The following MTUS2 variants were observed in gnomAD, a reference collection of about 807,000 sequenced individuals.
MTUS2 encodes the protein microtubule-associated tumor suppressor candidate 2.
Under a neutral mutation model 114.1 loss-of-function variants are expected in MTUS2, and 40 were observed. The ratio of observed to expected loss-of-function variants is 0.35; its 90% CI spans 0.27 to 0.46. The LOEUF is 0.46. Ranked by LOEUF, MTUS2 falls within the 20% of genes least tolerant of loss-of-function variation. The pLI is 1.00. For missense variants in MTUS2, 1,679 were observed against 1,705.4 expected (o/e 0.98, Z 0.27); for synonymous variants, 688 against 672.0 (o/e 1.02, Z -0.37).
intron 10 of MTUS2, chr13:29,487,660 C>T: frequency 1.8e-6 from 1 of 546,644 alleles, no homozygotes; most frequent in South Asian, 2.0e-5. Flanking sequence ...TAAAGAGGTA[C>T]CTCAGGCAGT....
At position 29,498,385 on chromosome 13, in the gene MTUS2, T is replaced by C. The variant is rs767171597; in HGVS notation, c.3679-33T>C. 6.8e-6 allele frequency: 11 copies of C among 1,612,512 alleles called. No individual in the cohort carries two copies. In the South Asian group the frequency reaches 9.9e-5, roughly 15 times the overall value. ...TAATACTGGGTTTTGCCGGGAATCC[T>C]GGTCAACAGCTCATGGCTCTCTGCC... On this transcript the variant is annotated intron_variant, in intron 13 of 15. Coordinates refer to ENST00000612955, the MANE Select transcript of MTUS2 (RefSeq NM_001033602.4).
chr13:29,374,079 A>G (rs1438916436), intron 8 of MTUS2, among the ~76,000 whole-genome samples: 1 of 152,222 alleles, frequency 6.6e-6, no homozygotes, highest in Non-Finnish European at 1.5e-5. Context: ...AATAACCAAA[A>G]TAACTGGATG....
chr13:29,257,939 T>C (rs1358912938), intron 5 of MTUS2, among the ~76,000 whole-genome samples: 1 of 152,224 alleles, frequency 6.6e-6, no homozygotes, highest in Non-Finnish European at 1.5e-5. Context: ...GGTTGAGGGC[T>C]CACAGTCTTG....
intron 5 of MTUS2, among the ~76,000 whole-genome samples, chr13:29,235,783 G>T (rs1291915758): frequency 1.3e-5 from 2 of 151,968 alleles, no homozygotes; most frequent in African/African-American, 4.8e-5. Context: ...CTGTACTGTT[G>T]GACTAGGTTA....
intron 2 of MTUS2, among the ~76,000 whole-genome samples, chr13:28,950,723 A>C (rs1882767058): frequency 6.6e-6 from 1 of 152,174 alleles, no homozygotes; most frequent in African/African-American, 2.4e-5. Flanking sequence ...TGGTGCTCCC[A>C]AAACAGTATA....
At chr13:28,862,978 A>G (rs553793585) in intron 2 of MTUS2, among the ~76,000 whole-genome samples, 1 of 152,300 alleles carries the variant, frequency 6.6e-6, no homozygotes, top group African/African-American at 2.4e-5. Flanking sequence ...TTCAGACATT[A>G]TATACTTAAG....
intron 11 of MTUS2, among the ~76,000 whole-genome samples, chr13:29,488,437 CTTTTTTTTTTT>C (rs35983023): frequency 8.8e-6 from 1 of 113,786 alleles, no homozygotes; most frequent in East Asian, 2.8e-4. Flanking sequence ...TTTTTTTCCT[CTTTTTTTTTTT>C]TTTTTTTTTT....
chr13:29,258,539 C>T (rs1329027577), intron 5 of MTUS2, among the ~76,000 whole-genome samples: 2 of 152,194 alleles, frequency 1.3e-5, no homozygotes, highest in East Asian at 3.8e-4. Context: ...GGGGACATGG[C>T]TGTTTGGGAG....
chr13:29,318,417 G>A lies in MTUS2; in HGVS notation c.2807-6196G>A, dbSNP rs112692950. 7.1e-3 allele frequency among the ~76,000 whole-genome samples: 573 copies of A among 80,380 alleles called. 8 individuals carry two copies. Among genetic ancestry groups the A allele is most frequent in the African/African-American group, 0.03 (543 of 17,992 alleles). 52.7% of individuals were successfully genotyped at this position (80,380 alleles called of 152,430 possible). A position where few individuals can be genotyped will look rare whatever the true frequency, so the allele number is the denominator to read the frequency against. On this transcript the variant is annotated intron_variant, in intron 6 of 15. Coordinates refer to ENST00000612955, the MANE Select transcript of MTUS2 (RefSeq NM_001033602.4). ...TTTTTTTTTTTGAGATGACAGCCTCGTCCTCAGAGTGAGCCGTTATTCTTG... is the reference window on the plus strand; with the variant it reads ...TTTTTTTTTTTGAGATGACAGCCTCATCCTCAGAGTGAGCCGTTATTCTTG...
rs184344721 is a variant in MTUS2 at position 28,949,400 on chromosome 13, C to T, written c.-242-75057C>T. On this transcript the variant is annotated intron_variant, in intron 2 of 15. Coordinates refer to ENST00000612955, the MANE Select transcript of MTUS2 (RefSeq NM_001033602.4). ...CCAGCACAGTTTCTTACCATTACTT[C>T]GCCTATCTTGCTATCTTTTAATTAC... Among the ~76,000 whole-genome samples, 520 of 152,318 alleles carry T rather than the reference C, an allele frequency of 3.4e-3. 4 individuals carry two copies. The highest frequency in any genetic ancestry group is 0.011 in the African/African-American group (474 of 41,576).
chr13:28,953,345 C>T (rs1882904200), intron 2 of MTUS2, among the ~76,000 whole-genome samples: 1 of 152,020 alleles, frequency 6.6e-6, no homozygotes, highest in Admixed American at 6.6e-5. Context: ...CCCATCTCTA[C>T]TAAAAATACA....
chr13:29,078,703 G>A (rs2475524), intron 4 of MTUS2, among the ~76,000 whole-genome samples: 87,451 of 152,014 alleles, frequency 0.58, 25,446 homozygotes, highest in Non-Finnish European at 0.61. Flanking sequence ...GGCATTTCGT[G>A]TAATGGAATC....
At chr13:28,919,014 T>G (rs1386618056) in intron 2 of MTUS2, among the ~76,000 whole-genome samples, 1 of 152,108 alleles carries the variant, frequency 6.6e-6, no homozygotes, top group Non-Finnish European at 1.5e-5. Context: ...TTGTTTCTCT[T>G]TGTGTCTTAT....
intron 5 of MTUS2, among the ~76,000 whole-genome samples, chr13:29,103,899 A>G (rs1890540640): frequency 6.6e-6 from 1 of 152,204 alleles, no homozygotes. Flanking sequence ...ATATTGGGAC[A>G]CTTTTAAGTG....
intron 2 of MTUS2, among the ~76,000 whole-genome samples, chr13:29,018,174 G>A (rs1886145346): frequency 6.6e-6 from 1 of 152,174 alleles, no homozygotes; most frequent in Non-Finnish European, 1.5e-5. Context: ...TGATTTTACA[G>A]GGCAAATGTA....
chr13:29,142,112 G>A (rs968076636), intron 5 of MTUS2, among the ~76,000 whole-genome samples: 10 of 151,696 alleles, frequency 6.6e-5, no homozygotes, highest in South Asian at 2.1e-4. Context: ...CGCCCGCCTC[G>A]GCCTCCCAAA....
At chr13:29,418,314 A>G (rs1184990071) in intron 8 of MTUS2, among the ~76,000 whole-genome samples, 1 of 152,200 alleles carries the variant, frequency 6.6e-6, no homozygotes. Context: ...GATTTCCTCA[A>G]GGATATCCAG....
At chr13:29,079,019 T>C (rs2479782) in intron 4 of MTUS2, among the ~76,000 whole-genome samples, 149,805 of 152,326 alleles carry the variant, frequency 0.98, 73,694 homozygotes, top group Non-Finnish European at 1. Flanking sequence ...GTGGCTGCAC[T>C]ATTTTACATT....
intron 2 of MTUS2, among the ~76,000 whole-genome samples, chr13:28,985,534 A>C (rs570824281): frequency 1.3e-4 from 20 of 151,220 alleles, no homozygotes; most frequent in African/African-American, 4.9e-4. Context: ...ATTTTAAAAT[A>C]TTTTAGCAAT....
Sources: allele counts gnomAD v4.1 joint callset (sites outside exome capture counted in the v4.1 genomes callset), GRCh38; gene constraint gnomAD v4.1.1; transcripts MANE v1.5; gene names NCBI Gene and HGNC (gene_info 2026-07-23, HGNC 2026-07-21).